Variants in STXBP5L observed in about 807,000 individuals in gnomAD.
STXBP5L encodes the protein syntaxin binding protein 5L.
Under a neutral mutation model 144.5 loss-of-function variants are expected in STXBP5L, and 65 were observed. The observed-to-expected ratio is 0.45, with a 90% CI of 0.37 to 0.55. STXBP5L has a LOEUF of 0.55. STXBP5L is among the 20% of genes least tolerant of loss of function. STXBP5L has a pLI of 0.00. For synonymous variants in STXBP5L, 505 were observed against 469.6 expected (o/e 1.08, Z -0.97); for missense variants, 1,298 against 1,405.5 (o/e 0.92, Z 1.22).
chr3:121,257,438 G>C, intron 17 of STXBP5L, 105 bp downstream of exon 17: 1 of 1,058,826 alleles, frequency 9.4e-7, no homozygotes, highest in African/African-American at 1.6e-5. Context: ...GCTATTGTCA[G>C]GTGATCTACA....
At chr3:121,006,544 A>T (rs1008595470) in intron 3 of STXBP5L, among the ~76,000 whole-genome samples, 3 of 152,110 alleles carry the variant, frequency 2.0e-5, no homozygotes, top group African/African-American at 7.2e-5. Flanking sequence ...CATTTAGCCC[A>T]TTTACATTTA....
intron 19 of STXBP5L, among the ~76,000 whole-genome samples, chr3:121,313,434 G>A (rs1351707389): frequency 1.5e-4 from 15 of 102,706 alleles, no homozygotes; most frequent in African/African-American, 3.4e-4. Flanking sequence ...CTGGCCGGGC[G>A]GGGGGCTGAC....
chr3:121,350,520 G>C (rs1413927647), intron 20 of STXBP5L, among the ~76,000 whole-genome samples: 1 of 152,052 alleles, frequency 6.6e-6, no homozygotes, highest in Non-Finnish European at 1.5e-5. Context: ...TGCTAGATTG[G>C]GGAAGTTCTC....
intron 19 of STXBP5L, among the ~76,000 whole-genome samples, chr3:121,292,231 T>C (rs1198311488): frequency 6.6e-6 from 1 of 152,150 alleles, no homozygotes; most frequent in East Asian, 1.9e-4. Context: ...AAAAGTGAGT[T>C]AAAGACATGA....
intron 12 of STXBP5L, 58 bp from the exon 13 acceptor site, chr3:121,238,913 A>G: frequency 7.0e-7 from 1 of 1,431,810 alleles, no homozygotes. Flanking sequence ...CTTTATCAAA[A>G]TTATTTTCTG....
rs576341634 is a variant in STXBP5L, at chr3:121,151,977, G to A, written c.670-500G>A. Among the ~76,000 whole-genome samples the A allele has an allele frequency of 2.6e-4, 39 of 151,502 alleles. No individual in the cohort carries two copies. The South Asian group carries it at 5.5e-3, about 21-fold the overall frequency. ...AATAAATATTAATCTTTTTAATGAC[G>A]TGAATCTCTAGAATAACTTTATAAT... On this transcript the variant is annotated intron_variant, in intron 7 of 26. Transcript: ENST00000471454.
intron 20 of STXBP5L, among the ~76,000 whole-genome samples, chr3:121,327,870 A>G (rs1342644710): frequency 2.0e-5 from 3 of 152,224 alleles, no homozygotes; most frequent in African/African-American, 7.2e-5. Flanking sequence ...TTGCTGTGGT[A>G]ATATTCCCTC....
intron 22 of STXBP5L, among the ~76,000 whole-genome samples, chr3:121,395,186 C>T (rs1463878308): frequency 1.3e-5 from 2 of 152,194 alleles, no homozygotes; most frequent in Non-Finnish European, 2.9e-5. Flanking sequence ...CAATTATACA[C>T]ATCCTTACTT....
chr3:120,966,538 C>A (rs1161410293), intron 3 of STXBP5L, among the ~76,000 whole-genome samples: 1 of 152,156 alleles, frequency 6.6e-6, no homozygotes, highest in Non-Finnish European at 1.5e-5. Flanking sequence ...ACAGTCAGGT[C>A]CCTCAACTGC....
At chr3:121,061,800 A>T (rs2041293668) in intron 5 of STXBP5L, among the ~76,000 whole-genome samples, 1 of 151,784 alleles carries the variant, frequency 6.6e-6, no homozygotes, top group South Asian at 2.1e-4. Context: ...CCCCTGCTTT[A>T]TTTTGCTTTC....
chr3:121,169,334 T>A (rs1577103694), intron 9 of STXBP5L, among the ~76,000 whole-genome samples: 1 of 152,124 alleles, frequency 6.6e-6, no homozygotes, highest in Non-Finnish European at 1.5e-5. Context: ...AATTCACACA[T>A]AACAATATTA....
At position 121,424,308 on chromosome 3, in the gene STXBP5L, A is replaced by G. The variant is rs895293671; in HGVS notation, c.*5211A>G. The stretch of plus-strand genomic sequence containing the variant: ...GTCTTTGGACATGTGTTTAAAGGAA[A>G]AGAATACCTGTAACTTCCTATATGA... On this transcript the variant is annotated 3_prime_UTR_variant, in exon 27 of 27. Coordinates refer to ENST00000471454, the MANE Select transcript of STXBP5L (RefSeq NM_001308330.2). The G allele has an allele frequency of 1.3e-5, 2 of 152,206 alleles. No individual in the cohort carries two copies. Among genetic ancestry groups the G allele is most frequent in the Non-Finnish European group, 2.9e-5 (2 of 68,038 alleles). 9.4% of individuals were successfully genotyped at this position (152,206 alleles called of 1,614,324 possible). A position where few individuals can be genotyped will look rare whatever the true frequency, so the allele number is the denominator to read the frequency against.
intron 3 of STXBP5L, among the ~76,000 whole-genome samples, chr3:121,036,897 G>T (rs1795420): frequency 0.21 from 32,124 of 150,364 alleles, 3,635 homozygotes; most frequent in Non-Finnish European, 0.26. Context: ...AATCCCACTG[G>T]TTATATTATA....
At chr3:121,017,321 T>C (rs1945212640) in intron 3 of STXBP5L, among the ~76,000 whole-genome samples, 1 of 152,194 alleles carries the variant, frequency 6.6e-6, no homozygotes, top group Non-Finnish European at 1.5e-5. Context: ...ACCAAGAACC[T>C]ACAGCAACAT....
At chr3:120,915,314 G>GA (rs1482396998) in intron 2 of STXBP5L, among the ~76,000 whole-genome samples, 3 of 152,024 alleles carry the variant, frequency 2.0e-5, no homozygotes, top group African/African-American at 7.2e-5. Context: ...ATGTTCCTGT[G>GA]AAAAATCTCA....
At chr3:121,078,544 C>T (rs1375781651) in intron 5 of STXBP5L, among the ~76,000 whole-genome samples, 1 of 152,246 alleles carries the variant, frequency 6.6e-6, no homozygotes, top group Non-Finnish European at 1.5e-5. Flanking sequence ...CTCCTCAGCC[C>T]TTGGGTGGTC....
At chr3:121,069,481 A>G (rs938677245) in intron 5 of STXBP5L, among the ~76,000 whole-genome samples, 18 of 152,152 alleles carry the variant, frequency 1.2e-4, no homozygotes, top group Admixed American at 1.2e-3. Context: ...TTGTGAACAT[A>G]AGTTTTCGTC....
At chr3:121,125,009 T>A (rs1385265512) in intron 7 of STXBP5L, among the ~76,000 whole-genome samples, 1 of 152,188 alleles carries the variant, frequency 6.6e-6, no homozygotes, top group Admixed American at 6.6e-5. Flanking sequence ...TCAAGATTAT[T>A]ATTTCTTAAT....
chr3:121,405,209 A>ATTT (rs540065070), intron 22 of STXBP5L, among the ~76,000 whole-genome samples: 258 of 152,038 alleles, frequency 1.7e-3, no homozygotes, highest in African/African-American at 5.4e-3. Context: ...TTAACATATG[A>ATTT]TTTTTTTTAC....
Sources: gnomAD v4.1 joint callset for allele counts (sites outside exome capture counted in the v4.1 genomes callset) on GRCh38, gnomAD v4.1.1 for gene constraint, MANE v1.5 for transcripts, NCBI Gene and HGNC (gene_info 2026-07-23, HGNC 2026-07-21) for gene names.